The following ATP8A1 variants were observed in gnomAD, a reference collection of about 807,000 sequenced individuals.
ATP8A1 encodes phospholipid-transporting ATPase IA.
In ATP8A1, 90 loss-of-function variants were observed where a neutral mutation model predicts 177.7. The observed-to-expected ratio is 0.51, with a 90% CI of 0.43 to 0.60. The LOEUF (loss-of-function observed/expected upper bound fraction) is 0.60, where lower values mean the gene tolerates loss of function less well. Ranked by LOEUF, ATP8A1 falls within the 20% of genes least tolerant of loss-of-function variation. The pLI, the probability that ATP8A1 is intolerant of heterozygous loss-of-function variation, is 0.00. For missense variants in ATP8A1, 1,072 were observed against 1,392.8 expected (o/e 0.77, Z 3.67); for synonymous variants, 493 against 485.9 (o/e 1.01, Z -0.19).
intron 35 of ATP8A1, among the ~76,000 whole-genome samples, chr4:42,420,533 G>A (rs4312791): frequency 0.38 from 56,955 of 151,690 alleles, 10,945 homozygotes; most frequent in African/African-American, 0.45. Flanking sequence ...CATATATTAC[G>A]GAATCACTGA....
At chr4:42,476,194 T>C (rs965233346) in intron 25 of ATP8A1, among the ~76,000 whole-genome samples, 2 of 152,086 alleles carry the variant, frequency 1.3e-5, no homozygotes, top group Non-Finnish European at 2.9e-5. Flanking sequence ...GTTTAGTAAA[T>C]GCTATTGAAA....
intron 16 of ATP8A1, among the ~76,000 whole-genome samples, chr4:42,555,202 T>C: frequency 8.6e-6 from 1 of 116,390 alleles, no homozygotes. Flanking sequence ...ATCTATCCTA[T>C]TAGTTCTGCC....
At chr4:42,568,757 G>T (rs116638685) in intron 15 of ATP8A1, among the ~76,000 whole-genome samples, 2,270 of 152,228 alleles carry the variant, frequency 0.015, 52 homozygotes, top group African/African-American at 0.051. Flanking sequence ...CACTGCTTGG[G>T]TATGTTTCAG....
At chr4:42,518,834 G>GT (rs1560414742) in intron 22 of ATP8A1, among the ~76,000 whole-genome samples, 1 of 152,170 alleles carries the variant, frequency 6.6e-6, no homozygotes, top group Non-Finnish European at 1.5e-5. Flanking sequence ...TAAAGCCAGG[G>GT]TAACATTCTG....
At chr4:42,531,745 A>G (rs767837900) in intron 20 of ATP8A1, among the ~76,000 whole-genome samples, 2 of 152,186 alleles carry the variant, frequency 1.3e-5, no homozygotes, top group Non-Finnish European at 2.9e-5. Context: ...ATGTACAAAA[A>G]TCAGTAGCAC....
At chr4:42,419,329 T>A (rs949954067) in intron 35 of ATP8A1, among the ~76,000 whole-genome samples, 7 of 152,172 alleles carry the variant, frequency 4.6e-5, no homozygotes, top group African/African-American at 1.7e-4. Flanking sequence ...GACTAAGACA[T>A]GGGCCTCTCT....
intron 1 of ATP8A1, among the ~76,000 whole-genome samples, chr4:42,645,992 G>A (rs762156909): frequency 1.3e-5 from 2 of 151,812 alleles, no homozygotes; most frequent in Non-Finnish European, 2.9e-5. Flanking sequence ...CCAACTAGTC[G>A]CAGCCACTGG....
intron 33 of ATP8A1, among the ~76,000 whole-genome samples, chr4:42,437,922 C>T (rs11729713): frequency 0.48 from 72,239 of 151,940 alleles, 18,547 homozygotes; most frequent in African/African-American, 0.68. Flanking sequence ...TATCTGATGC[C>T]CTGAAAAGAA....
intron 1 of ATP8A1, among the ~76,000 whole-genome samples, chr4:42,630,862 C>T (rs1300308355): frequency 6.6e-6 from 1 of 152,206 alleles, no homozygotes; most frequent in Admixed American, 6.5e-5. Flanking sequence ...CTTACTTTCA[C>T]TAGGCTTCAG....
intron 24 of ATP8A1, 134 bp downstream of exon 24, chr4:42,503,316 G>A: frequency 3.7e-6 from 2 of 539,178 alleles, no homozygotes; most frequent in Non-Finnish European, 6.5e-6. Flanking sequence ...AGTACATTAT[G>A]TTAAAACAGA....
chr4:42,636,703 G>A (rs186744427), intron 1 of ATP8A1, among the ~76,000 whole-genome samples: 6 of 152,190 alleles, frequency 3.9e-5, no homozygotes, highest in East Asian at 3.9e-4. Flanking sequence ...TTTCCAGCTC[G>A]GCATCTGCTT....
At chr4:42,567,117 C>T (rs1731431745) in intron 15 of ATP8A1, among the ~76,000 whole-genome samples, 1 of 152,208 alleles carries the variant, frequency 6.6e-6, no homozygotes, top group Admixed American at 6.5e-5. Flanking sequence ...GTATCCAAAG[C>T]CCACATCTTT....
intron 10 of ATP8A1, 65 bp downstream of exon 10, chr4:42,581,556 A>G: frequency 8.6e-7 from 1 of 1,158,790 alleles, no homozygotes; most frequent in East Asian, 2.3e-5. Context: ...CACTGCACTG[A>G]GATCTGTAAA....
rs550675107 is a variant in ATP8A1 at position 42,642,039 on chromosome 4, A to C, written c.49+14786T>G. ...ATCATCAAAAACATCCAGTGAAGAAACTAAAGTCTTCCTGCCCATTACAAC... is the reference window on the plus strand; with the variant it reads ...ATCATCAAAAACATCCAGTGAAGAACCTAAAGTCTTCCTGCCCATTACAAC... On this transcript the variant is annotated intron_variant, in intron 1 of 36. Transcript: ENST00000381668. Among the ~76,000 whole-genome samples the C allele has an allele frequency of 5.3e-5, 8 of 152,224 alleles. No individual in the cohort carries two copies. In the South Asian group the frequency reaches 1.7e-3, roughly 32 times the overall value.
At chr4:42,512,822 G>A (rs1044824367) in intron 22 of ATP8A1, among the ~76,000 whole-genome samples, 4 of 152,192 alleles carry the variant, frequency 2.6e-5, no homozygotes, top group Non-Finnish European at 4.4e-5. Flanking sequence ...ATGTGCAGTG[G>A]TTGCAAAGCT....
At chr4:42,580,750 T>C (rs746134219) in intron 10 of ATP8A1, among the ~76,000 whole-genome samples, 1 of 152,198 alleles carries the variant, frequency 6.6e-6, no homozygotes, top group African/African-American at 2.4e-5. Flanking sequence ...TTTAGTTTCT[T>C]AAAACTGTTT....
chr4:42,432,390 T>C (rs1420310668), intron 33 of ATP8A1, among the ~76,000 whole-genome samples: 3 of 152,194 alleles, frequency 2.0e-5, no homozygotes, highest in African/African-American at 7.2e-5. Context: ...CACTGATGTA[T>C]GGGAACTTCA....
chr4:42,463,402 T>C (rs956185372), intron 27 of ATP8A1, among the ~76,000 whole-genome samples: 8 of 152,196 alleles, frequency 5.3e-5, no homozygotes, highest in Admixed American at 3.9e-4. Flanking sequence ...CCCACTGCCA[T>C]CCATGTAAGA....
chr4:42,585,706 T>C (rs1404355330), intron 9 of ATP8A1, among the ~76,000 whole-genome samples: 9 of 151,992 alleles, frequency 5.9e-5, no homozygotes, highest in Admixed American at 5.2e-4. Context: ...ATTTATCTGC[T>C]TTGTTCACTG....
Sources: allele counts gnomAD v4.1 joint callset (sites outside exome capture counted in the v4.1 genomes callset), GRCh38; gene constraint gnomAD v4.1.1; transcripts MANE v1.5; gene names NCBI Gene and HGNC (gene_info 2026-07-23, HGNC 2026-07-21).